Variants in GPA33 observed in about 807,000 individuals in gnomAD.
The protein encoded by GPA33 is cell surface A33 antigen.
A neutral mutation model predicts 35.6 loss-of-function variants in GPA33; 27 were observed. The observed-to-expected ratio is 0.76, with a 90% CI of 0.56 to 1.04. GPA33 has a LOEUF of 1.04. Ranked by LOEUF, GPA33 falls within the 50% of genes least tolerant of loss-of-function variation. The pLI, the probability that GPA33 is intolerant of heterozygous loss-of-function variation, is 0.00. For missense variants in GPA33, 428 were observed against 411.9 expected (o/e 1.04, Z -0.34); for synonymous variants, 176 against 164.0 (o/e 1.07, Z -0.56).
In GPA33 at chr1:167,073,392, G is replaced by A. The variant is rs376774161; in HGVS notation, c.191C>T (p.Thr64Ile). 5.0e-6 allele frequency: 8 copies of A among 1,613,624 alleles called. No homozygotes were observed. The highest frequency in any genetic ancestry group is 3.3e-5 in the Admixed American group (2 of 60,008). ...GLIQWDKLLLTHTERVVIWPF... is the reference protein window; with the variant it reads ...GLIQWDKLLLIHTERVVIWPF... Reference sequence around the variant, plus strand: ...CTTGTAAAGTATCCTTACCGTATGAGTGAGGAGGAGCTTATCCCATTGAAT... The same window carrying A: ...CTTGTAAAGTATCCTTACCGTATGAATGAGGAGGAGCTTATCCCATTGAAT... Residue 64 changes from threonine (T) to isoleucine (I), a missense_variant, in exon 2 of 7, where the codon ACT (threonine) becomes ATT (isoleucine). By Grantham distance (89) the Thr-to-Ile change is moderately conservative (BLOSUM62 -1). Transcript: ENST00000367868.
chr1:167,068,671 G>A (rs191778489), intron 3 of GPA33, among the ~76,000 whole-genome samples: 35 of 152,334 alleles, frequency 2.3e-4, no homozygotes, highest in African/African-American at 7.2e-5. Flanking sequence ...AAAGGACACC[G>A]ACAGAGCAAG....
intron 4 of GPA33, among the ~76,000 whole-genome samples, chr1:167,059,436 G>C (rs1666384184): frequency 6.6e-6 from 1 of 152,090 alleles, no homozygotes; most frequent in Non-Finnish European, 1.5e-5. Context: ...GTCTCACCAA[G>C]ACGCTAATGT....
rs1491326252 is a variant in GPA33 at position 167,087,908 on chromosome 1, T to TCACACACACACACACACACACA, written c.43+2336_43+2337insTGTGTGTGTGTGTGTGTGTGTG. ...TCCAGCCTGAGCAAGCCAGACTCTGTCTCACACACACACACACACACACAA... is the reference window on the plus strand; with the variant it reads ...TCCAGCCTGAGCAAGCCAGACTCTGTCACACACACACACACACACACACTCACACACACACACACACACACAA... On this transcript the variant is annotated intron_variant, in intron 1 of 6. Coordinates refer to ENST00000367868, the MANE Select transcript of GPA33 (RefSeq NM_005814.3). 5.7e-3 allele frequency among the ~76,000 whole-genome samples: 845 copies of TCACACACACACACACACACACA among 149,190 alleles called. 9 individuals carry two copies. Among genetic ancestry groups the TCACACACACACACACACACACA allele is most frequent in the East Asian group, 0.036 (181 of 5,070 alleles).
intron 1 of GPA33, among the ~76,000 whole-genome samples, chr1:167,076,475 A>C (rs1407598302): frequency 6.6e-6 from 1 of 152,082 alleles, no homozygotes; most frequent in East Asian, 1.9e-4. Flanking sequence ...AGCTGGGAAG[A>C]CTCCACTATC....
intron 4 of GPA33, among the ~76,000 whole-genome samples, chr1:167,056,563 T>C (rs938746143): frequency 2.4e-5 from 1 of 41,196 alleles, no homozygotes; most frequent in African/African-American, 9.4e-5. Flanking sequence ...GTGTATGGTA[T>C]GTGGTGTGTG....
chr1:167,058,806 T>G (rs958390566), intron 4 of GPA33, among the ~76,000 whole-genome samples: 1 of 152,202 alleles, frequency 6.6e-6, no homozygotes, highest in African/African-American at 2.4e-5. Flanking sequence ...GGGCAGCACT[T>G]TCAGAGCTCC....
rs1285661397 is a variant in GPA33 at position 167,090,234 on chromosome 1, G to C, written c.43+11C>G. ...ACCCCTGGGCACTGGAGAGAAAAGG[G>C]GCCTACTCACCTGCACAGAGTGTCC... On this transcript the variant is annotated intron_variant, in intron 1 of 6. Transcript: ENST00000367868. 2 of 1,606,060 alleles carry C rather than the reference G, an allele frequency of 1.2e-6. No individual in the cohort carries two copies. The highest frequency in any genetic ancestry group is 4.5e-5 in the East Asian group (2 of 44,846).
At chr1:167,070,925 A>T (rs1666704974) in intron 2 of GPA33, among the ~76,000 whole-genome samples, 2 of 152,136 alleles carry the variant, frequency 1.3e-5, no homozygotes, top group Non-Finnish European at 2.9e-5. Flanking sequence ...GAGGAAACAC[A>T]AAGGAAGGGA....
chr1:167,086,518 C>A (rs61250531), intron 1 of GPA33, among the ~76,000 whole-genome samples: 2,281 of 152,238 alleles, frequency 0.015, 61 homozygotes, highest in African/African-American at 0.052. Flanking sequence ...CCCCAGGGAC[C>A]AACCCACACC....
At chr1:167,055,686 A>G in intron 5 of GPA33, 44 bp downstream of exon 5, 1 of 1,608,648 alleles carries the variant, frequency 6.2e-7, no homozygotes, top group Non-Finnish European at 8.5e-7. Flanking sequence ...CCCACCAGTT[A>G]TCCTGTGGCG....
At chr1:167,062,902 C>T (rs990904229) in intron 4 of GPA33, among the ~76,000 whole-genome samples, 3 of 152,018 alleles carry the variant, frequency 2.0e-5, no homozygotes, top group South Asian at 2.1e-4. Context: ...CCCACCTTTG[C>T]GTGGAGCCCC....
intron 1 of GPA33, 27 bp from the exon 2 acceptor site, chr1:167,073,566 GA>G: frequency 6.2e-7 from 1 of 1,605,802 alleles, no homozygotes; most frequent in Non-Finnish European, 8.5e-7. Context: ...CAGTGGAAGG[GA>G]AAAGTAAGCG....
At chr1:167,079,112 T>A (rs1558010290) in intron 1 of GPA33, among the ~76,000 whole-genome samples, 1 of 152,086 alleles carries the variant, frequency 6.6e-6, no homozygotes, top group East Asian at 1.9e-4. Flanking sequence ...ATTTTAGAGA[T>A]CATTATAACA....
At chr1:167,078,501 A>G (rs1242788527) in intron 1 of GPA33, 1 of 152,202 alleles carries the variant, frequency 6.6e-6, no homozygotes. Context: ...GACTCTGCCA[A>G]ATGGAATGGC....
intron 3 of GPA33, 44 bp downstream of exon 3, chr1:167,068,878 C>T: frequency 6.7e-7 from 1 of 1,495,736 alleles, no homozygotes; most frequent in Non-Finnish European, 9.3e-7. Context: ...CTGCCACCTG[C>T]CCACCCTCTT....
chr1:167,083,647 T>A (rs1666997814), intron 1 of GPA33, among the ~76,000 whole-genome samples: 1 of 152,090 alleles, frequency 6.6e-6, no homozygotes, highest in South Asian at 2.1e-4. Context: ...ATGCATATGA[T>A]GGGAGGATAT....
At position 167,069,004 on chromosome 1, in the gene GPA33, G is replaced by A. The variant is rs200270894; in HGVS notation, c.333C>T (p.Asp111=). Residue 111 remains aspartate, a synonymous_variant, in exon 3 of 7, where the codon GAC becomes GAT. Transcript: ENST00000367868. The stretch of plus-strand genomic sequence containing the variant: ...AGACAGAACACTCGTAGGTGCCGTT[G>A]TCAGCCATGGTCAGCTGATCAATGG... ...SITIDQLTMA[D]NGTYECSVSL... is the part of the protein sequence containing the mutation. The A allele has an allele frequency of 1.9e-6, 3 of 1,614,074 alleles. No individual in the cohort carries two copies. The highest frequency in any genetic ancestry group is 2.2e-5 in the East Asian group (1 of 44,886).
chr1:167,088,707 G>A (rs188885859), intron 1 of GPA33, among the ~76,000 whole-genome samples: 143 of 152,280 alleles, frequency 9.4e-4, no homozygotes, highest in Non-Finnish European at 1.6e-3. Context: ...TTTTAAGATC[G>A]TTTTTCTAAG....
chr1:167,076,275 G>T (rs10918618), intron 1 of GPA33, among the ~76,000 whole-genome samples: 1 of 152,028 alleles, frequency 6.6e-6, no homozygotes, highest in African/African-American at 2.4e-5. Flanking sequence ...CTGGGGGTAC[G>T]GTGTTATGGG....
Sources: allele counts gnomAD v4.1 joint callset (sites outside exome capture counted in the v4.1 genomes callset), GRCh38; gene constraint gnomAD v4.1.1; transcripts MANE v1.5; gene names NCBI Gene and HGNC (gene_info 2026-07-23, HGNC 2026-07-21).